TMEM151A: variants seen among roughly 807,000 people sequenced by gnomAD.
The protein encoded by TMEM151A is transmembrane protein 151A, also known as transmembrane protein 151.
Under a neutral mutation model 33.7 loss-of-function variants are expected in TMEM151A, and 21 were observed. That is an observed-to-expected ratio of 0.62 (90% CI 0.44 to 0.90). TMEM151A has a LOEUF of 0.90. TMEM151A is among the 40% of genes least tolerant of loss of function. TMEM151A has a pLI of 0.00. For missense variants in TMEM151A, 704 were observed against 697.7 expected, an observed-to-expected ratio of 1.01 and a Z score of -0.10; for synonymous variants, 374 against 330.3, an observed-to-expected ratio of 1.13 and a Z score of -1.43.
chr11:66,293,437 C>T (rs1857476625), intron 1 of TMEM151A, among the ~76,000 whole-genome samples: 1 of 152,088 alleles, frequency 6.6e-6, no homozygotes, highest in African/African-American at 2.4e-5. Context: ...GCTAGGCTGG[C>T]AGCCCTGCCA....
rs1302894295 is a variant in TMEM151A, at chr11:66,295,245, C to T, written c.999C>T (p.Pro333=). 4.5e-6 allele frequency: 7 copies of T among 1,559,434 alleles called. No individual in the cohort carries two copies. The highest frequency in any genetic ancestry group is 2.4e-5 in the East Asian group (1 of 41,910). ...SPPPGAVPSG[P]PLSRVATVDF... is the part of the protein sequence containing the mutation. ...CGCCGGGGGCCGTGCCCAGCGGGCC[C>T]CCGCTGTCCCGCGTGGCCACAGTGG... Residue 333 remains proline, a synonymous_variant, in exon 2 of 2, where the codon CCC becomes CCT. Coordinates refer to ENST00000327259, the MANE Select transcript of TMEM151A (RefSeq NM_153266.4).
In TMEM151A at chr11:66,292,096, C is replaced by A; in HGVS notation, c.75+8C>A. 1 of 1,454,220 alleles carries A rather than the reference C, an allele frequency of 6.9e-7. No individual in the cohort carries two copies. Among genetic ancestry groups the A allele is most frequent in the Non-Finnish European group, 9.0e-7 (1 of 1,113,462 alleles). 90.1% of individuals were successfully genotyped at this position (1,454,220 alleles called of 1,614,324 possible). ...GAGCCGCTGCGGGAAGAGGTACCGG[C>A]GCTGGGGGGGCCGGAGCCGGGCCTG... On this transcript the variant is annotated splice_region_variant and intron_variant, in intron 1 of 1. Coordinates refer to ENST00000327259, the MANE Select transcript of TMEM151A (RefSeq NM_153266.4). This position sits in a 1 kb window ranked among gnomAD's most constrained non-coding sequence, Gnocchi z 4.7.
chr11:66,295,436 C>T lies in TMEM151A; in HGVS notation c.1190C>T (p.Pro397Leu). Reference protein sequence around the residue: ...NSLPPARPSGPRLPFSRSRLS... With the variant: ...NSLPPARPSGLRLPFSRSRLS... ...CTGCCCCCCGCCCGGCCCAGCGGGCCCCGCCTGCCCTTCAGCCGCAGCCGC... is the reference window on the plus strand; with the variant it reads ...CTGCCCCCCGCCCGGCCCAGCGGGCTCCGCCTGCCCTTCAGCCGCAGCCGC... Residue 397 changes from proline (P) to leucine (L), a missense_variant, in exon 2 of 2, where the codon CCC (proline) becomes CTC (leucine). Physicochemically the swap from Pro to Leu is moderately conservative, Grantham distance 98. Around this residue, in one of 3 missense-constraint regions of TMEM151A, gnomAD observed 398 missense variants for 356.0 expected, o/e 1.12. Transcript: ENST00000327259. 6.8e-7 allele frequency: 1 copy of T among 1,462,744 alleles called. No individual in the cohort carries two copies. The highest frequency in any genetic ancestry group is 2.9e-5 in the East Asian group (1 of 34,080). The allele number at this position is 1,462,744 out of a possible 1,614,324, so 90.6% of individuals were successfully genotyped here. A position where few individuals can be genotyped will look rare whatever the true frequency, so the allele number is the denominator to read the frequency against.
In TMEM151A at chr11:66,295,521, G is replaced by A. The variant is rs1034171420; in HGVS notation, c.1275G>A (p.Gly425=). Residue 425 remains glycine, a synonymous_variant, in exon 2 of 2, where the codon GGG becomes GGA. Transcript: ENST00000327259. ...GGGTCTTCCGCAGCCTGAGCGGGGG[G>A]CCGCTGGGGCGCCGTGGAGAGGACA... ...TPGVFRSLSG[G]PLGRRGEDTE... The A allele has an allele frequency of 4.3e-6, 6 of 1,397,622 alleles. No homozygotes were observed. Among genetic ancestry groups the A allele is most frequent in the Non-Finnish European group, 5.6e-6 (6 of 1,075,372 alleles). The allele number at this position is 1,397,622 out of a possible 1,614,324, so 86.6% of individuals were successfully genotyped here. A position where few individuals can be genotyped will look rare whatever the true frequency, so the allele number is the denominator to read the frequency against.
At chr11:66,293,196 GC>G (rs1857474422) in intron 1 of TMEM151A, among the ~76,000 whole-genome samples, 2 of 152,126 alleles carry the variant, frequency 1.3e-5, no homozygotes, top group African/African-American at 4.8e-5. Context: ...TTGCAGGTCA[GC>G]TGGCGCTGTG....
chr11:66,292,063 C>T lies in TMEM151A; in HGVS notation c.50C>T (p.Pro17Leu), dbSNP rs1288874120. The change falls in exon 1 of 2, where the codon CCG (proline) becomes CTG (leucine). Residue 17 changes from proline to leucine, a missense_variant. Pro to Leu is a moderately conservative substitution (Grantham distance 98). This residue lies in a region of TMEM151A where 301 missense variants were observed against 323.4 expected (regional missense o/e 0.93). Transcript: ENST00000327259. The surrounding 1 kb of genome is among the most constrained non-coding windows in gnomAD (Gnocchi z 4.7). ...GDGGEVPALI[P>L]DGEPLREEQR... ...GGCGGGGAGGTGCCCGCGCTCATCC[C>T]GGACGGCGAGCCGCTGCGGGAAGAG... 7 of 1,488,178 alleles carry T rather than the reference C, an allele frequency of 4.7e-6. No individual in the cohort carries two copies. The highest frequency in any genetic ancestry group is 6.2e-6 in the Non-Finnish European group (7 of 1,126,864). The allele number at this position is 1,488,178 out of a possible 1,614,324, so 92.2% of individuals were successfully genotyped here.
At position 66,295,477 on chromosome 11, in the gene TMEM151A, G is replaced by A; in HGVS notation, c.1231G>A (p.Gly411Ser). 1 of 1,401,678 alleles carries A rather than the reference G, an allele frequency of 7.1e-7. No individual in the cohort carries two copies. Among genetic ancestry groups the A allele is most frequent in the Non-Finnish European group, 9.3e-7 (1 of 1,080,688 alleles). The allele number at this position is 1,401,678 out of a possible 1,614,324, so 86.8% of individuals were successfully genotyped here. A position where few individuals can be genotyped will look rare whatever the true frequency, so the allele number is the denominator to read the frequency against. ...CCGCAGCCGCCTCTCGCTGGGCGCT[G>A]GCGGCCGGGCCACGCCAGGGGTCTT... ...FSRSRLSLGA[G>S]GRATPGVFRS... The change falls in exon 2 of 2, where the codon GGC becomes AGC. Residue 411 changes from glycine (G) to serine (S), a missense_variant. This residue lies in a region of TMEM151A where 398 missense variants were observed against 356.0 expected (regional missense o/e 1.12). Coordinates refer to ENST00000327259, the MANE Select transcript of TMEM151A (RefSeq NM_153266.4).
At position 66,294,378 on chromosome 11, in the gene TMEM151A, G is replaced by T; in HGVS notation, c.132G>T (p.Lys44Asn). 1 of 1,611,446 alleles carries T rather than the reference G, an allele frequency of 6.2e-7. No homozygotes were observed. Among genetic ancestry groups the T allele is most frequent in the South Asian group, 1.1e-5 (1 of 91,084 alleles). The change falls in exon 2 of 2, where the codon AAG becomes AAT. Residue 44 changes from lysine (K) to asparagine (N), a missense_variant. Transcript: ENST00000327259. ...GSSLCRESHWKCLLLTLLIHA... is the reference protein window; with the variant it reads ...GSSLCRESHWNCLLLTLLIHA... ...CCCTGTGCCGCGAGTCGCACTGGAA[G>T]TGCCTGCTCCTCACGCTGCTCATCC...
chr11:66,294,270 C>T, intron 1 of TMEM151A, 52 bp from the exon 2 acceptor site: 1 of 1,587,434 alleles, frequency 6.3e-7, no homozygotes, highest in Non-Finnish European at 8.5e-7. Context: ...AGTGGCAGGC[C>T]CCACTGATGG....
Position 66,292,903 on chromosome 11 carries a change from G to A in TMEM151A, c.75+815G>A, listed in dbSNP as rs1436614882. ...GTCAGTTTGCAGTGGGGGGTGGGGA[G>A]ATGTGCACTGTGGTCAGGTGAAGGT... On this transcript the variant is annotated intron_variant, in intron 1 of 1. Transcript: ENST00000327259. The surrounding 1 kb of genome is among the most constrained non-coding windows in gnomAD (Gnocchi z 4.7). Among the ~76,000 whole-genome samples the A allele has an allele frequency of 6.6e-6, 1 of 152,006 alleles. No homozygotes were observed. Among genetic ancestry groups the A allele is most frequent in the Non-Finnish European group, 1.5e-5 (1 of 67,968 alleles).
chr11:66,295,628 A>AG lies in TMEM151A; in HGVS notation c.1387dup (p.Asp463GlyfsTer73). 1 of 1,545,558 alleles carries AG rather than the reference A, an allele frequency of 6.5e-7. No homozygotes were observed. The highest frequency in any genetic ancestry group is 8.7e-7 in the Non-Finnish European group (1 of 1,148,532). On this transcript the variant is annotated frameshift_variant, in exon 2 of 2. Transcript: ENST00000327259. LOFTEE classifies it high-confidence loss of function. ...ATTGTCCACGGAGACAGCGGCTGCC[A>AG]GGGGGATGGGCAGGGTGCTCTCTGA...
chr11:66,295,853 A>T lies in TMEM151A; in HGVS notation c.*200A>T, dbSNP rs1019851026. The T allele has an allele frequency of 1.3e-4, 56 of 436,396 alleles. No homozygotes were observed. The highest frequency in any genetic ancestry group is 1.2e-5 in the Non-Finnish European group (3 of 257,752). The allele number at this position is 436,396 out of a possible 1,614,324, so 27.0% of individuals were successfully genotyped here. ...TTTTGGAGGAAGTGGAAGCCTAAGAATCGCCCCCAGCATGGCTTCATCCCC... is the reference window on the plus strand; with the variant it reads ...TTTTGGAGGAAGTGGAAGCCTAAGATTCGCCCCCAGCATGGCTTCATCCCC... On this transcript the variant is annotated 3_prime_UTR_variant, in exon 2 of 2. Transcript: ENST00000327259.
chr11:66,294,482 C>T lies in TMEM151A; in HGVS notation c.236C>T (p.Ala79Val). Residue 79 changes from alanine to valine, a missense_variant, in exon 2 of 2, where the codon GCC (alanine) becomes GTC (valine). This residue lies in a region of TMEM151A where 301 missense variants were observed against 323.4 expected (regional missense o/e 0.93). Transcript: ENST00000327259. ...GTCCTGGGGCCCGAGGCCGCCTTGG[C>T]CCGGGGAGCCGGGGGCCCGCCACCG... is the stretch of plus-strand genomic sequence containing the variant. ...RLVLGPEAALARGAGGPPPTY... is the reference protein window; with the variant it reads ...RLVLGPEAALVRGAGGPPPTY... 3 of 1,604,576 alleles carry T rather than the reference C, an allele frequency of 1.9e-6. No homozygotes were observed. The highest frequency in any genetic ancestry group is 1.7e-4 in the Middle Eastern group (1 of 6,028).
Position 66,294,360 on chromosome 11 carries a change from C to G in TMEM151A, c.114C>G (p.Cys38Trp). ...AACAGTCCCTGGGAAGCTCCCTGTG[C>G]CGCGAGTCGCACTGGAAGTGCCTGC... ...PLKQSLGSSLCRESHWKCLLL... is the reference protein window; with the variant it reads ...PLKQSLGSSLWRESHWKCLLL... The change falls in exon 2 of 2, where the codon TGC (cysteine) becomes TGG (tryptophan). Residue 38 changes from cysteine (C) to tryptophan (W), a missense_variant. Coordinates refer to ENST00000327259, the MANE Select transcript of TMEM151A (RefSeq NM_153266.4). The G allele has an allele frequency of 6.2e-7, 1 of 1,610,516 alleles. No homozygotes were observed. Among genetic ancestry groups the G allele is most frequent in the Admixed American group, 1.7e-5 (1 of 60,012 alleles).
In TMEM151A at chr11:66,295,788, G is replaced by A. The variant is rs1857515210; in HGVS notation, c.*135G>A. 3 of 850,642 alleles carry A rather than the reference G, an allele frequency of 3.5e-6. No individual in the cohort carries two copies. The highest frequency in any genetic ancestry group is 4.9e-6 in the Non-Finnish European group (3 of 616,498). 52.7% of individuals were successfully genotyped at this position (850,642 alleles called of 1,614,324 possible). A position where few individuals can be genotyped will look rare whatever the true frequency, so the allele number is the denominator to read the frequency against. On this transcript the variant is annotated 3_prime_UTR_variant, in exon 2 of 2. Transcript: ENST00000327259. ...AGGGGCAGGGGTGAGGGTGGGGGTG[G>A]GGGTCCTTAAACAGACTAAAATGCA...
In TMEM151A at chr11:66,294,849, C is replaced by T; in HGVS notation, c.603C>T (p.Arg201=). 1 of 1,538,170 alleles carries T rather than the reference C, an allele frequency of 6.5e-7. No individual in the cohort carries two copies. Among genetic ancestry groups the T allele is most frequent in the Non-Finnish European group, 8.7e-7 (1 of 1,145,648 alleles). Reference sequence around the variant, plus strand: ...TTGACTACTCGGCGCACGGCGTCCGCGACGTCTCCAAGGAGCTGGTGGGGC... The same window carrying T: ...TTGACTACTCGGCGCACGGCGTCCGTGACGTCTCCAAGGAGCTGGTGGGGC... The part of the protein sequence containing the change: ...GEFDYSAHGV[R]DVSKELVGLA... Residue 201 remains arginine, a synonymous_variant, in exon 2 of 2, where the codon CGC becomes CGT. Coordinates refer to ENST00000327259, the MANE Select transcript of TMEM151A (RefSeq NM_153266.4).
Position 66,291,994 on chromosome 11 carries a change from G to A in TMEM151A, c.-20G>A, listed in dbSNP as rs768771557. 5.9e-5 allele frequency: 89 copies of A among 1,499,346 alleles called. No individual in the cohort carries two copies. The highest frequency in any genetic ancestry group is 4.7e-4 in the Middle Eastern group (2 of 4,268). 92.9% of individuals were successfully genotyped at this position (1,499,346 alleles called of 1,614,324 possible). A position where few individuals can be genotyped will look rare whatever the true frequency, so the allele number is the denominator to read the frequency against. Reference sequence around the variant, plus strand: ...CATGCCCGGTGCCCAGGCTGGGGCCGCCCAAGCAGCCAGGACACCATGCCC... The same window carrying A: ...CATGCCCGGTGCCCAGGCTGGGGCCACCCAAGCAGCCAGGACACCATGCCC... On this transcript the variant is annotated 5_prime_UTR_variant, in exon 1 of 2. Coordinates refer to ENST00000327259, the MANE Select transcript of TMEM151A (RefSeq NM_153266.4).
In TMEM151A at chr11:66,295,036, G is replaced by A. The variant is rs750276209; in HGVS notation, c.790G>A (p.Val264Ile). ...EAREGMHLKDVDFRESLMVFA... is the reference protein window; with the variant it reads ...EAREGMHLKDIDFRESLMVFA... Reference sequence around the variant, plus strand: ...GCGCGAGGGCATGCACCTGAAGGACGTAGACTTCCGCGAGTCGCTCATGGT... The same window carrying A: ...GCGCGAGGGCATGCACCTGAAGGACATAGACTTCCGCGAGTCGCTCATGGT... The change falls in exon 2 of 2, where the codon GTA becomes ATA. Residue 264 changes from valine (V) to isoleucine (I), a missense_variant. By Grantham distance (29) the Val-to-Ile change is conservative (BLOSUM62 3). Transcript: ENST00000327259. 1.2e-5 allele frequency: 19 copies of A among 1,598,858 alleles called. No individual in the cohort carries two copies. The highest frequency in any genetic ancestry group is 1.5e-5 in the Non-Finnish European group (18 of 1,179,116).
chr11:66,294,877 G>T lies in TMEM151A; in HGVS notation c.631G>T (p.Ala211Ser). ...CGTCTCCAAGGAGCTGGTGGGGCTGGCGGAGCACGCGGCCACGCGGCTGCG... is the reference window on the plus strand; with the variant it reads ...CGTCTCCAAGGAGCTGGTGGGGCTGTCGGAGCACGCGGCCACGCGGCTGCG... ...RDVSKELVGL[A>S]EHAATRLRFT... is the part of the protein sequence containing the mutation. Residue 211 changes from alanine (A) to serine (S), a missense_variant, in exon 2 of 2, where the codon GCG becomes TCG. By Grantham distance (99) the Ala-to-Ser change is moderately conservative. Transcript: ENST00000327259. 1 of 1,536,614 alleles carries T rather than the reference G, an allele frequency of 6.5e-7. No individual in the cohort carries two copies. Among genetic ancestry groups the T allele is most frequent in the Non-Finnish European group, 8.7e-7 (1 of 1,145,418 alleles).
Sources: allele counts gnomAD v4.1 joint callset (sites outside exome capture counted in the v4.1 genomes callset), GRCh38; gene constraint gnomAD v4.1.1; regional missense constraint gnomAD v4.1.1; non-coding constraint Gnocchi (gnomAD v3.1); transcripts MANE v1.5; gene names NCBI Gene and HGNC (gene_info 2026-07-23, HGNC 2026-07-21).